TSPAN3: variants seen among roughly 807,000 people sequenced by gnomAD.
TSPAN3 encodes the protein tetraspanin 3.
In TSPAN3, 9 loss-of-function variants were observed where a neutral mutation model predicts 31.1. The ratio of observed to expected loss-of-function variants is 0.29; its 90% CI spans 0.17 to 0.50. The LOEUF is 0.50. Ranked by LOEUF, TSPAN3 falls within the 20% of genes least tolerant of loss-of-function variation. The probability of loss-of-function intolerance (pLI) is 0.98; values close to 1 mark genes in which losing one functional copy is unlikely to be tolerated. For synonymous variants in TSPAN3, 129 were observed against 114.3 expected (o/e 1.13, Z -0.82); for missense variants, 252 against 313.5 (o/e 0.80, Z 1.48).
At chr15:77,053,737 C>G (rs1459194417) in intron 4 of TSPAN3, among the ~76,000 whole-genome samples, 2 of 152,096 alleles carry the variant, frequency 1.3e-5, no homozygotes. Flanking sequence ...ATCTATTACA[C>G]TATTCTTTCT....
intron 1 of TSPAN3, among the ~76,000 whole-genome samples, chr15:77,058,912 C>T (rs1330051188): frequency 2.0e-5 from 3 of 152,224 alleles, no homozygotes; most frequent in East Asian, 1.9e-4. Flanking sequence ...GTTAATATAT[C>T]GTAAATATGT....
chr15:77,058,997 TG>T (rs2076784598), intron 1 of TSPAN3, among the ~76,000 whole-genome samples: 1 of 152,256 alleles, frequency 6.6e-6, no homozygotes, highest in African/African-American at 2.4e-5. Flanking sequence ...TATTTGCTTT[TG>T]GGGCATGGTA....
rs1435067306 is a variant in TSPAN3 at position 77,045,044 on chromosome 15, T to TC, written c.*1790dup. 1 of 152,130 alleles carries TC rather than the reference T, an allele frequency of 6.6e-6. No homozygotes were observed. Among genetic ancestry groups the TC allele is most frequent in the Non-Finnish European group, 1.5e-5 (1 of 68,038 alleles). 9.4% of individuals were successfully genotyped at this position (152,130 alleles called of 1,614,324 possible). On this transcript the variant is annotated 3_prime_UTR_variant, in exon 7 of 7. Coordinates refer to ENST00000267970, the MANE Select transcript of TSPAN3 (RefSeq NM_005724.6). ...TACTCCTCTCCTTTCCCGTGTCTTC[T>TC]CCATTTTCAGGTGGGACAGATCTGC...
intron 1 of TSPAN3, among the ~76,000 whole-genome samples, chr15:77,061,374 A>G (rs1199952345): frequency 1.3e-5 from 2 of 152,026 alleles, no homozygotes; most frequent in Admixed American, 1.3e-4. Flanking sequence ...CTAAAAATAC[A>G]AAATTAGCCG....
At chr15:77,046,986 G>A (rs1358072223) in intron 6 of TSPAN3, 59 bp from the exon 7 acceptor site, 73 of 1,359,756 alleles carry the variant, frequency 5.4e-5, no homozygotes, top group Non-Finnish European at 7.1e-5. Flanking sequence ...TGGCAGGTGT[G>A]TATTTCTTTG....
intron 6 of TSPAN3, among the ~76,000 whole-genome samples, chr15:77,051,613 G>GCTT (rs1186668300): frequency 6.6e-6 from 1 of 151,768 alleles, no homozygotes; most frequent in Non-Finnish European, 1.5e-5. Context: ...ACTTTAGGAG[G>GCTT]CCAAGACAGA....
chr15:77,053,624 T>C (rs1023017797), intron 4 of TSPAN3, among the ~76,000 whole-genome samples: 5 of 152,116 alleles, frequency 3.3e-5, no homozygotes, highest in Non-Finnish European at 7.4e-5. Flanking sequence ...TATTTGGTCT[T>C]AAAAATTTTG....
intron 1 of TSPAN3, among the ~76,000 whole-genome samples, chr15:77,069,370 GAC>G (rs2076852951): frequency 6.6e-6 from 1 of 152,106 alleles, no homozygotes; most frequent in Non-Finnish European, 1.5e-5. Flanking sequence ...ACAAAGAGAA[GAC>G]TGATACGACT....
chr15:77,046,562 T>C lies in TSPAN3; in HGVS notation c.*273A>G, dbSNP rs891010621. 1.0e-5 allele frequency: 5 copies of C among 486,324 alleles called. No homozygotes were observed. Among genetic ancestry groups the C allele is most frequent in the African/African-American group, 3.9e-5 (2 of 51,336 alleles). The allele number at this position is 486,324 out of a possible 1,614,324, so 30.1% of individuals were successfully genotyped here. ...GCAGGCTCGTGTCCTCCTTTAATTC[T>C]ACCACACTACATGACTCGCAATTGG... On this transcript the variant is annotated 3_prime_UTR_variant, in exon 7 of 7. Transcript: ENST00000267970.
At chr15:77,047,683 T>G (rs1479509072) in intron 6 of TSPAN3, among the ~76,000 whole-genome samples, 24 of 152,234 alleles carry the variant, frequency 1.6e-4, no homozygotes, top group Non-Finnish European at 2.9e-5. Flanking sequence ...AGTCATGCCA[T>G]GTTATTTTGG....
chr15:77,066,179 G>A (rs114368812), intron 1 of TSPAN3, among the ~76,000 whole-genome samples: 1 of 152,054 alleles, frequency 6.6e-6, no homozygotes, highest in African/African-American at 2.4e-5. Flanking sequence ...TGTTTTAGAC[G>A]AGCCCTCTTT....
chr15:77,059,194 T>A (rs973251183), intron 1 of TSPAN3, among the ~76,000 whole-genome samples: 1 of 152,204 alleles, frequency 6.6e-6, no homozygotes, highest in Non-Finnish European at 1.5e-5. Context: ...GCCATTCTCC[T>A]GCCTCAGCCT....
At chr15:77,063,113 A>T (rs2076809947) in intron 1 of TSPAN3, among the ~76,000 whole-genome samples, 1 of 152,142 alleles carries the variant, frequency 6.6e-6, no homozygotes, top group South Asian at 2.1e-4. Context: ...TCCTTAACCA[A>T]CCAAAAACAG....
At chr15:77,059,704 G>C (rs144187123) in intron 1 of TSPAN3, among the ~76,000 whole-genome samples, 1 of 151,824 alleles carries the variant, frequency 6.6e-6, no homozygotes, top group African/African-American at 2.4e-5. Context: ...CTGAGCTTTC[G>C]GTACACCTAC....
chr15:77,069,301 G>A (rs896830912), intron 1 of TSPAN3, among the ~76,000 whole-genome samples: 2 of 152,116 alleles, frequency 1.3e-5, no homozygotes, highest in Admixed American at 6.6e-5. Context: ...ATATAGATAC[G>A]TATTAAATTA....
At chr15:77,047,045 G>A in intron 6 of TSPAN3, 118 bp from the exon 7 acceptor site, 1 of 719,310 alleles carries the variant, frequency 1.4e-6, no homozygotes, top group South Asian at 1.7e-5. Context: ...TCATCAAAAA[G>A]GCAGTAACAA....
At chr15:77,069,288 G>C (rs1304259873) in intron 1 of TSPAN3, among the ~76,000 whole-genome samples, 3 of 152,030 alleles carry the variant, frequency 2.0e-5, no homozygotes, top group Non-Finnish European at 2.9e-5. Context: ...AGTAGCAGTA[G>C]GTATATAGAT....
intron 1 of TSPAN3, among the ~76,000 whole-genome samples, chr15:77,059,316 TCGTGATCC>T (rs772362014): frequency 6.6e-6 from 1 of 152,154 alleles, no homozygotes; most frequent in Non-Finnish European, 1.5e-5. Context: ...TGTCCTGACC[TCGTGATCC>T]GCCCGCCTCG....
chr15:77,070,991 G>C lies in TSPAN3; in HGVS notation c.-37C>G. On this transcript the variant is annotated 5_prime_UTR_variant, in exon 1 of 7. Transcript: ENST00000267970. ...CCCGCGAAGGCCCGGCCCGGAGAGCGGGGCTGCGCTCACCGAGAGAGCGGC... is the reference window on the plus strand; with the variant it reads ...CCCGCGAAGGCCCGGCCCGGAGAGCCGGGCTGCGCTCACCGAGAGAGCGGC... 6.6e-6 allele frequency: 9 copies of C among 1,371,710 alleles called. No individual in the cohort carries two copies. In the South Asian group the frequency reaches 9.5e-5, roughly 14 times the overall value. The allele number at this position is 1,371,710 out of a possible 1,614,324, so 85.0% of individuals were successfully genotyped here.
Sources: allele counts gnomAD v4.1 joint callset (sites outside exome capture counted in the v4.1 genomes callset), GRCh38; gene constraint gnomAD v4.1.1; transcripts MANE v1.5; gene names NCBI Gene and HGNC (gene_info 2026-07-23, HGNC 2026-07-21).